Variants in GCDH observed in about 807,000 individuals in gnomAD.
GCDH encodes the protein glutaryl-CoA dehydrogenase, also known as glutaryl-CoA dehydrogenase, mitochondrial.
In GCDH, 31 loss-of-function variants were observed where a neutral mutation model predicts 52.8. That is an observed-to-expected ratio of 0.59 (90% confidence interval 0.44 to 0.79). The LOEUF (loss-of-function observed/expected upper bound fraction) is 0.79. GCDH is among the 30% of genes least tolerant of loss of function. The pLI, the probability that GCDH is intolerant of heterozygous loss-of-function variation, is 0.00. For synonymous variants in GCDH, 242 were observed against 250.0 expected, an observed-to-expected ratio of 0.97 and a Z score of 0.30; for missense variants, 509 against 595.0, an observed-to-expected ratio of 0.86 and a Z score of 1.50.
chr19:12,892,270 CTTTCT>C, intron 5 of GCDH, 92 bp downstream of exon 5: 1 of 1,097,878 alleles, frequency 9.1e-7, no homozygotes, highest in Non-Finnish European at 1.4e-6. Context: ...CCTTCCTTCT[CTTTCT>C]TTTCTTTTCC....
Position 12,896,100 on chromosome 19 carries a change from C to A in GCDH, c.614C>A (p.Thr205Asn). The A allele has an allele frequency of 1.9e-6, 3 of 1,614,124 alleles. No individual in the cohort carries two copies. The highest frequency in any genetic ancestry group is 2.5e-6 in the Non-Finnish European group (3 of 1,180,018). Residue 205 changes from threonine (T) to asparagine (N), a missense_variant, in exon 7 of 12, where the codon ACC (threonine) becomes AAC (asparagine). Transcript: ENST00000222214. The surrounding 1 kb of genome is among the most constrained non-coding windows in gnomAD (Gnocchi z 5.5). ...TACAACTCATCCAACAAGAGCTACA[C>A]CCTCAATGGGACCAAGACCTGGTAA... ...AHYNSSNKSY[T>N]LNGTKTWITN... is the part of the protein sequence containing the mutation.
At chr19:12,893,803 C>A in intron 6 of GCDH, 150 bp downstream of exon 6, 1 of 736,810 alleles carries the variant, frequency 1.4e-6, no homozygotes, top group South Asian at 1.5e-5. Context: ...TGGGCTTCAC[C>A]TGGAGATCTG....
Position 12,891,213 on chromosome 19 carries a change from T to G in GCDH, c.-35+11T>G. 1.0e-6 allele frequency: 1 copy of G among 968,620 alleles called. No homozygotes were observed. 60.0% of individuals were successfully genotyped at this position (968,620 alleles called of 1,614,324 possible). A position where few individuals can be genotyped will look rare whatever the true frequency, so the allele number is the denominator to read the frequency against. On this transcript the variant is annotated intron_variant, in intron 1 of 11. Coordinates refer to ENST00000222214, the MANE Select transcript of GCDH (RefSeq NM_000159.4). ...GGGAGGTACTACCAGGTAAGGAAGGTGCGGTAGCCCCAGCCGTGGGTGAGA... is the reference window on the plus strand; with the variant it reads ...GGGAGGTACTACCAGGTAAGGAAGGGGCGGTAGCCCCAGCCGTGGGTGAGA...
At position 12,899,078 on chromosome 19, in the gene GCDH, G is replaced by A. The variant is rs1398560201; in HGVS notation, c.1244-390G>A. ...CCTCTGTGGCAAGGAAGCGTGGCCA[G>A]GTTGAAAATCAAACATTTAATAAAC... On this transcript the variant is annotated intron_variant, in intron 11 of 11. Coordinates refer to ENST00000222214, the MANE Select transcript of GCDH (RefSeq NM_000159.4). 5 of 530,170 alleles carry A rather than the reference G, an allele frequency of 9.4e-6. No homozygotes were observed. In the Admixed American group the frequency reaches 1.6e-4, roughly 17 times the overall value. The allele number at this position is 530,170 out of a possible 1,614,324, so 32.8% of individuals were successfully genotyped here. A position where few individuals can be genotyped will look rare whatever the true frequency, so the allele number is the denominator to read the frequency against.
chr19:12,897,043 G>A (rs1323929773), intron 9 of GCDH, 30 bp downstream of exon 9: 4 of 1,555,404 alleles, frequency 2.6e-6, no homozygotes, highest in Non-Finnish European at 3.5e-6. Context: ...AGATTCTCTG[G>A]GGGTGTGGGG....
In GCDH at chr19:12,897,742, C is replaced by T. The variant is rs771733977; in HGVS notation, c.1122C>T (p.Asn374=). 37 of 1,614,016 alleles carry T rather than the reference C, an allele frequency of 2.3e-5. No homozygotes were observed. Among genetic ancestry groups the T allele is most frequent in the Non-Finnish European group, 3.0e-5 (35 of 1,180,004 alleles). ...TGGTTTCTCTGCTGAAGAGGAATAA[C>T]TGTGGGAAAGCCCTGGACATCGCCC... The part of the protein sequence containing the change: ...PEMVSLLKRN[N]CGKALDIARQ... The change falls in exon 11 of 12, where the codon AAC becomes AAT. Residue 374 remains asparagine, a synonymous_variant. Coordinates refer to ENST00000222214, the MANE Select transcript of GCDH (RefSeq NM_000159.4).
Position 12,891,528 on chromosome 19 carries a change from G to A in GCDH, c.127+6G>A, listed in dbSNP as rs760536298. On this transcript the variant is annotated splice_donor_region_variant and intron_variant, in intron 3 of 11. Coordinates refer to ENST00000222214, the MANE Select transcript of GCDH (RefSeq NM_000159.4). ...ACAGAGCCAACTGGCTAAGTGTAAGGACCTCTGGTCGCACCGTGTGTCTGC... is the reference window on the plus strand; with the variant it reads ...ACAGAGCCAACTGGCTAAGTGTAAGAACCTCTGGTCGCACCGTGTGTCTGC... The A allele has an allele frequency of 6.2e-7, 1 of 1,614,196 alleles. No individual in the cohort carries two copies. Among genetic ancestry groups the A allele is most frequent in the Non-Finnish European group, 8.5e-7 (1 of 1,180,014 alleles).
Position 12,891,404 on chromosome 19 carries a change from G to A in GCDH, c.91+9G>A, listed in dbSNP as rs1365480116. The A allele has an allele frequency of 9.9e-6, 16 of 1,614,098 alleles. No individual in the cohort carries two copies. The highest frequency in any genetic ancestry group is 1.4e-5 in the Non-Finnish European group (16 of 1,180,034). Reference sequence around the variant, plus strand: ...GTCGGCGGCGCAGACCGGTCAGTGTGGGGTCGGGAGTGTGGAGGGAAGGAG... The same window carrying A: ...GTCGGCGGCGCAGACCGGTCAGTGTAGGGTCGGGAGTGTGGAGGGAAGGAG... On this transcript the variant is annotated intron_variant, in intron 2 of 11. Coordinates refer to ENST00000222214, the MANE Select transcript of GCDH (RefSeq NM_000159.4).
intron 11 of GCDH, 84 bp from the exon 12 acceptor site, chr19:12,899,384 G>A (rs952572363): frequency 6.2e-7 from 1 of 1,614,020 alleles, no homozygotes; most frequent in African/African-American, 1.3e-5. Context: ...TGAAGCAGTG[G>A]CCTGGGGATA....
rs1490109497 is a variant in GCDH at position 12,899,884 on chromosome 19, C to A, written c.*343C>A. Reference sequence around the variant, plus strand: ...CCTCACACTGAGTTCACAGTGCGCCCTCCCTCCCTCCCATCTGGGGGTAGT... The same window carrying A: ...CCTCACACTGAGTTCACAGTGCGCCATCCCTCCCTCCCATCTGGGGGTAGT... On this transcript the variant is annotated 3_prime_UTR_variant, in exon 12 of 12. Transcript: ENST00000222214. The A allele has an allele frequency of 3.2e-6, 5 of 1,584,796 alleles. No homozygotes were observed. Among genetic ancestry groups the A allele is most frequent in the Non-Finnish European group, 4.3e-6 (5 of 1,158,236 alleles).
Position 12,897,524 on chromosome 19 carries a change from TG to T in GCDH, c.1082+100del. 10 of 1,506,206 alleles carry T rather than the reference TG, an allele frequency of 6.6e-6. No homozygotes were observed. The South Asian group carries it at 9.1e-5, about 14-fold the overall frequency. The allele number at this position is 1,506,206 out of a possible 1,614,324, so 93.3% of individuals were successfully genotyped here. ...AAAGGTCCTTCCTGCCTGGTGGCCC[TG>T]GGGACCTGAACCTTCTGCTGTCCCT... On this transcript the variant is annotated intron_variant, in intron 10 of 11. Coordinates refer to ENST00000222214, the MANE Select transcript of GCDH (RefSeq NM_000159.4).
rs772018496 is a variant in GCDH, at chr19:12,896,034, A to T, written c.548A>T (p.Asn183Ile). The T allele has an allele frequency of 6.2e-7, 1 of 1,614,114 alleles. No individual in the cohort carries two copies. Among genetic ancestry groups the T allele is most frequent in the East Asian group, 2.2e-5 (1 of 44,868 alleles). ...LLGCFGLTEP[N>I]SGSDPSSMET... ...GGCTGCTTCGGGCTCACAGAGCCCA[A>T]CAGCGGAAGTGACCCCAGCAGCATG... The change falls in exon 7 of 12, where the codon AAC becomes ATC. Residue 183 changes from asparagine to isoleucine, a missense_variant. Transcript: ENST00000222214. This position sits in a 1 kb window ranked among gnomAD's most constrained non-coding sequence, Gnocchi z 5.5.
At position 12,891,186 on chromosome 19, in the gene GCDH, C is replaced by T. The variant is rs538633320; in HGVS notation, c.-51C>T. 1 of 763,112 alleles carries T rather than the reference C, an allele frequency of 1.3e-6. No homozygotes were observed. The highest frequency in any genetic ancestry group is 2.3e-6 in the Non-Finnish European group (1 of 442,890). The allele number at this position is 763,112 out of a possible 1,614,324, so 47.3% of individuals were successfully genotyped here. A position where few individuals can be genotyped will look rare whatever the true frequency, so the allele number is the denominator to read the frequency against. ...GTTGCACTGTAGCCTCGGCAGTGAA[C>T]CGGGAGGTACTACCAGGTAAGGAAG... On this transcript the variant is annotated 5_prime_UTR_variant, in exon 1 of 12. Coordinates refer to ENST00000222214, the MANE Select transcript of GCDH (RefSeq NM_000159.4).
chr19:12,896,812 G>A lies in GCDH; in HGVS notation c.853-98G>A, dbSNP rs1970691423. On this transcript the variant is annotated intron_variant, in intron 8 of 11. Coordinates refer to ENST00000222214, the MANE Select transcript of GCDH (RefSeq NM_000159.4). This position sits in a 1 kb window ranked among gnomAD's most constrained non-coding sequence, Gnocchi z 5.5. ...CACAACCTGAGTCCCCCTGCGTGGG[G>A]TGGCTGGGGAGGAGGCTTTCCCTGC... 1 of 828,380 alleles carries A rather than the reference G, an allele frequency of 1.2e-6. No individual in the cohort carries two copies. The allele number at this position is 828,380 out of a possible 1,614,324, so 51.3% of individuals were successfully genotyped here. A position where few individuals can be genotyped will look rare whatever the true frequency, so the allele number is the denominator to read the frequency against.
rs182352343 is a variant in GCDH, at chr19:12,895,337, G to T, written c.506-655G>T. Among the ~76,000 whole-genome samples the T allele has an allele frequency of 3.3e-5, 5 of 152,074 alleles. No individual in the cohort carries two copies. In the East Asian group the frequency reaches 9.6e-4, roughly 29 times the overall value. ...TGCAGTGGTACAATCTTGGCTCACT[G>T]CAACCTGCGGTTCCCCAGTTCAAGC... On this transcript the variant is annotated intron_variant, in intron 6 of 11. Coordinates refer to ENST00000222214, the MANE Select transcript of GCDH (RefSeq NM_000159.4).
In GCDH at chr19:12,896,311, C is replaced by T. The variant is rs765635270; in HGVS notation, c.742C>T (p.Pro248Ser). 2 of 1,614,148 alleles carry T rather than the reference C, an allele frequency of 1.2e-6. No homozygotes were observed. The highest frequency in any genetic ancestry group is 1.3e-5 in the African/African-American group (1 of 75,036). Residue 248 changes from proline (P) to serine (S), a missense_variant, in exon 8 of 12, where the codon CCC becomes TCC. Transcript: ENST00000222214. This position sits in a 1 kb window ranked among gnomAD's most constrained non-coding sequence, Gnocchi z 5.5. ...LEKGMRGLSA[P>S]RIQGKFSLRA... ...GAAGGGGATGCGGGGTCTCTCGGCCCCCAGGATCCAGGGCAAGTTCTCGCT... is the reference window on the plus strand; with the variant it reads ...GAAGGGGATGCGGGGTCTCTCGGCCTCCAGGATCCAGGGCAAGTTCTCGCT...
Position 12,899,214 on chromosome 19 carries a change from G to T in GCDH, c.1244-254G>T, listed in dbSNP as rs553191132. ...GGGAGTTCAGCACAAGGAGCTTTGG[G>T]TTTTTGTTTTTTTCTGCCAAGATGC... On this transcript the variant is annotated intron_variant, in intron 11 of 11. Coordinates refer to ENST00000222214, the MANE Select transcript of GCDH (RefSeq NM_000159.4). 9.2e-6 allele frequency: 8 copies of T among 865,990 alleles called. No individual in the cohort carries two copies. The African/African-American group carries it at 1.3e-4, about 15-fold the overall frequency. The allele number at this position is 865,990 out of a possible 1,614,324, so 53.6% of individuals were successfully genotyped here.
rs1468558027 is a variant in GCDH at position 12,898,122 on chromosome 19, G to A, written c.1243+259G>A. 27 of 517,430 alleles carry A rather than the reference G, an allele frequency of 5.2e-5. No homozygotes were observed. The East Asian group carries it at 8.9e-4, about 17-fold the overall frequency. 32.1% of individuals were successfully genotyped at this position (517,430 alleles called of 1,614,324 possible). A position where few individuals can be genotyped will look rare whatever the true frequency, so the allele number is the denominator to read the frequency against. Reference sequence around the variant, plus strand: ...AGCTCTTTCTCCCACATGCTCGGGAGGAGGGATGTTCCTGAGACAGGTAAG... The same window carrying A: ...AGCTCTTTCTCCCACATGCTCGGGAAGAGGGATGTTCCTGAGACAGGTAAG... On this transcript the variant is annotated intron_variant, in intron 11 of 11. Coordinates refer to ENST00000222214, the MANE Select transcript of GCDH (RefSeq NM_000159.4).
chr19:12,897,533 G>T, intron 10 of GCDH, 105 bp downstream of exon 10: 1 of 1,470,172 alleles, frequency 6.8e-7, no homozygotes. Context: ...CTGGGGACCT[G>T]AACCTTCTGC....
Sources: gnomAD v4.1 joint callset for allele counts (sites outside exome capture counted in the v4.1 genomes callset) on GRCh38, gnomAD v4.1.1 for gene constraint, Gnocchi (gnomAD v3.1) non-coding constraint, MANE v1.5 for transcripts, NCBI Gene and HGNC (gene_info 2026-07-23, HGNC 2026-07-21) for gene names.